MALRD1: variants seen among roughly 807,000 people sequenced by gnomAD.
MALRD1 encodes MAM and LDL receptor class A domain containing 1, also known as MAM and LDL-receptor class A domain-containing protein 1.
A neutral mutation model predicts 242.1 loss-of-function variants in MALRD1; 247 were observed. That is an observed-to-expected ratio of 1.02 (90% confidence interval 0.92 to 1.13). The LOEUF (loss-of-function observed/expected upper bound fraction) is 1.13. Ranked by LOEUF, MALRD1 falls within the 50% of genes most tolerant of loss-of-function variation. MALRD1 has a pLI of 0.00. For synonymous variants in MALRD1, 995 were observed against 866.6 expected, an observed-to-expected ratio of 1.15 and a Z score of -2.60; for missense variants, 2,989 against 2,533.1, an observed-to-expected ratio of 1.18 and a Z score of -3.86.
At chr10:19,612,206 T>A (rs1012554327) in intron 35 of MALRD1, among the ~76,000 whole-genome samples, 4 of 151,968 alleles carry the variant, frequency 2.6e-5, no homozygotes, top group African/African-American at 7.2e-5. Context: ...ATATGTGCTT[T>A]ATCATCTTGG....
At chr10:19,729,923 G>T (rs1376143490) in intron 38 of MALRD1, among the ~76,000 whole-genome samples, 1 of 151,452 alleles carries the variant, frequency 6.6e-6, no homozygotes, top group Non-Finnish European at 1.5e-5. Context: ...ATTTTCAGTA[G>T]AGACGGGGTT....
chr10:19,562,762 G>T (rs1836042387), intron 32 of MALRD1, among the ~76,000 whole-genome samples: 1 of 152,166 alleles, frequency 6.6e-6, no homozygotes, highest in African/African-American at 2.4e-5. Context: ...CCTCCTGTCA[G>T]ATTGGTGGCA....
intron 36 of MALRD1, among the ~76,000 whole-genome samples, chr10:19,623,554 A>G (rs917187433): frequency 2.0e-5 from 3 of 152,204 alleles, no homozygotes; most frequent in African/African-American, 4.8e-5. Context: ...AGTTTGAAGA[A>G]CTAAGAACCA....
chr10:19,551,847 T>C (rs1457845158), intron 32 of MALRD1, among the ~76,000 whole-genome samples: 2 of 152,150 alleles, frequency 1.3e-5, no homozygotes, highest in African/African-American at 4.8e-5. Flanking sequence ...ATTGAGATAA[T>C]CATGTGGTTT....
At chr10:19,316,559 C>A (rs1032325554) in intron 21 of MALRD1, among the ~76,000 whole-genome samples, 1 of 151,850 alleles carries the variant, frequency 6.6e-6, no homozygotes, top group African/African-American at 2.4e-5. Context: ...CTTACTCCAG[C>A]AGTTGGTGGG....
intron 37 of MALRD1, 28 bp downstream of exon 37, chr10:19,692,389 G>T (rs1330882670): frequency 6.5e-7 from 1 of 1,532,590 alleles, no homozygotes; most frequent in Non-Finnish European, 8.7e-7. Context: ...TAAATAAATG[G>T]CTTGGTTTGG....
At chr10:19,561,198 G>A (rs1379138211) in intron 32 of MALRD1, among the ~76,000 whole-genome samples, 2 of 152,076 alleles carry the variant, frequency 1.3e-5, no homozygotes, top group Non-Finnish European at 2.9e-5. Context: ...TACATTGTAT[G>A]ATTTCTATTC....
chr10:19,653,376 T>C (rs1036583048), intron 36 of MALRD1, among the ~76,000 whole-genome samples: 1 of 152,008 alleles, frequency 6.6e-6, no homozygotes, highest in East Asian at 1.9e-4. Context: ...TTTGAATTTC[T>C]TTAGAAAGAG....
At chr10:19,088,572 TATTTATTTATTTA>T (rs1835764847) in intron 4 of MALRD1, among the ~76,000 whole-genome samples, 5 of 108,054 alleles carry the variant, frequency 4.6e-5, no homozygotes, top group East Asian at 2.6e-4. Flanking sequence ...AGTTTTTTTT[TATTTATTTATTTA>T]TTTATTTTTT....
chr10:19,473,152 G>C (rs1836576718), intron 29 of MALRD1, among the ~76,000 whole-genome samples: 1 of 107,994 alleles, frequency 9.3e-6, no homozygotes, highest in Non-Finnish European at 1.9e-5. Context: ...GATAAATTGA[G>C]GTTATGAACA....
At chr10:19,210,921 C>T (rs919382146) in intron 18 of MALRD1, among the ~76,000 whole-genome samples, 5 of 152,234 alleles carry the variant, frequency 3.3e-5, no homozygotes, top group Admixed American at 6.5e-5. Context: ...TATGTGTAAG[C>T]GTGAGAATGA....
intron 21 of MALRD1, among the ~76,000 whole-genome samples, chr10:19,294,041 G>C (rs1438243480): frequency 2.6e-5 from 4 of 152,076 alleles, no homozygotes; most frequent in African/African-American, 9.7e-5. Flanking sequence ...ACAAGGTAAA[G>C]TTTTAAGAAG....
intron 7 of MALRD1, among the ~76,000 whole-genome samples, chr10:19,126,860 CTAGGTAT>C (rs1025346081): frequency 6.6e-6 from 1 of 151,950 alleles, no homozygotes; most frequent in Non-Finnish European, 1.5e-5. Flanking sequence ...AACCCATTAC[CTAGGTAT>C]TAAGACCAGC....
At chr10:19,459,095 G>A (rs1341006492) in intron 29 of MALRD1, among the ~76,000 whole-genome samples, 1 of 151,936 alleles carries the variant, frequency 6.6e-6, no homozygotes, top group Non-Finnish European at 1.5e-5. Context: ...CTGTATTTAA[G>A]GTCACAGTCT....
Position 19,133,939 on chromosome 10 carries a change from G to A in MALRD1, c.1194G>A (p.Lys398=). 4.9e-6 allele frequency: 6 copies of A among 1,225,158 alleles called. No individual in the cohort carries two copies. Among genetic ancestry groups the A allele is most frequent in the Non-Finnish European group, 6.1e-6 (6 of 982,514 alleles). 75.9% of individuals were successfully genotyped at this position (1,225,158 alleles called of 1,614,324 possible). The stretch of plus-strand genomic sequence containing the variant: ...ATGTGTTAATACCAGAAGATCTGAA[G>A]ACATTTAAGGTATGAAAGAAAAAAA... ...KADVLIPEDL[K]TFKIIFEGTL... The change falls in exon 9 of 40, where the codon AAG becomes AAA. Residue 398 remains lysine (K), a synonymous_variant. Coordinates refer to ENST00000454679, the MANE Select transcript of MALRD1 (RefSeq NM_001142308.3).
chr10:19,138,379 A>C (rs1833425429), intron 10 of MALRD1, among the ~76,000 whole-genome samples: 2 of 151,812 alleles, frequency 1.3e-5, no homozygotes, highest in African/African-American at 4.8e-5. Context: ...TCTTAATGTC[A>C]ATAACTGAAG....
At chr10:19,407,404 C>T (rs751557726) in intron 28 of MALRD1, among the ~76,000 whole-genome samples, 10 of 152,074 alleles carry the variant, frequency 6.6e-5, no homozygotes, top group African/African-American at 9.7e-5. Context: ...CTCACTGGAG[C>T]GCAGGAGTTC....
chr10:19,549,722 T>C (rs1295165364), intron 32 of MALRD1, among the ~76,000 whole-genome samples: 1 of 152,218 alleles, frequency 6.6e-6, no homozygotes, highest in Non-Finnish European at 1.5e-5. Context: ...TGCAGTAGTC[T>C]GGAACTGAAC....
rs188585446 is a variant in MALRD1 at position 19,323,976 on chromosome 10, T to G, written c.3447T>G (p.Tyr1149Ter). Reference protein sequence around the residue: ...TQNTTDGWYLYADSSNGKFGD... With the variant: ...TQNTTDGWYL ...ATACCACTGATGGCTGGTACCTGTA[T>G]GCTGACAGTTCTAATGGGAAATTTG... is the stretch of plus-strand genomic sequence containing the variant. Residue 1149 changes from tyrosine to a stop codon, truncating the protein, a stop_gained, in exon 22 of 40, where the codon TAT becomes TAG. Transcript: ENST00000454679. LOFTEE classifies it high-confidence loss of function. The G allele has an allele frequency of 2.3e-5, 36 of 1,550,864 alleles. No homozygotes were observed. The East Asian group carries it at 7.3e-4, about 32-fold the overall frequency.
Sources: allele counts gnomAD v4.1 joint callset (sites outside exome capture counted in the v4.1 genomes callset), GRCh38; gene constraint gnomAD v4.1.1; transcripts MANE v1.5; gene names NCBI Gene and HGNC (gene_info 2026-07-23, HGNC 2026-07-21).